The following CALN1 variants were observed in gnomAD, a reference collection of about 807,000 sequenced individuals.
CALN1 encodes the protein calcium-binding protein 8.
CALN1 carries 17 observed loss-of-function variants against 30.6 expected under a neutral mutation model. The observed-to-expected ratio is 0.56, with a 90% CI of 0.38 to 0.83. CALN1 has a LOEUF of 0.83. Ranked by LOEUF, CALN1 falls within the 40% of genes least tolerant of loss-of-function variation. The pLI is 0.00. For synonymous variants in CALN1, 156 were observed against 131.4 expected (o/e 1.19, Z -1.28); for missense variants, 291 against 354.9 (o/e 0.82, Z 1.45).
intron 2 of CALN1, among the ~76,000 whole-genome samples, chr7:72,323,219 G>A (rs370928449): frequency 8.2e-4 from 125 of 152,200 alleles, no homozygotes; most frequent in African/African-American, 3.0e-3. Flanking sequence ...CTGAGGGGTG[G>A]GAAAGGCAGG....
At chr7:71,930,664 G>T (rs1422131118) in intron 5 of CALN1, among the ~76,000 whole-genome samples, 1 of 152,142 alleles carries the variant, frequency 6.6e-6, no homozygotes, top group African/African-American at 2.4e-5. Flanking sequence ...TATCGTTTCA[G>T]ATCTGGAATT....
chr7:71,791,891 G>C (rs1786579615), intron 6 of CALN1, among the ~76,000 whole-genome samples: 1 of 152,124 alleles, frequency 6.6e-6, no homozygotes. Flanking sequence ...GGCGCCTGCA[G>C]TCCCAGCTAC....
intron 5 of CALN1, among the ~76,000 whole-genome samples, chr7:71,939,403 CAAAAAAAA>C (rs56368426): frequency 9.5e-6 from 1 of 105,454 alleles, no homozygotes; most frequent in Non-Finnish European, 1.9e-5. Context: ...ACTAAAAATA[CAAAAAAAA>C]AAAAAAAAAA....
chr7:71,924,824 G>A (rs1015192854), intron 5 of CALN1, among the ~76,000 whole-genome samples: 2 of 152,004 alleles, frequency 1.3e-5, no homozygotes, highest in Non-Finnish European at 2.9e-5. Flanking sequence ...TTTGACATGT[G>A]CTACAAATAC....
chr7:72,379,324 G>A (rs945545786), intron 2 of CALN1, among the ~76,000 whole-genome samples: 1 of 152,152 alleles, frequency 6.6e-6, no homozygotes. Context: ...TGATAATACA[G>A]TAATTTTTAA....
intron 3 of CALN1, among the ~76,000 whole-genome samples, chr7:72,260,402 A>T (rs144268318): frequency 1.6e-3 from 240 of 152,266 alleles, no homozygotes; most frequent in South Asian, 4.3e-3. Context: ...ATAAACACAC[A>T]CAATATTGTT....
chr7:72,309,713 C>T (rs541489240), intron 2 of CALN1, among the ~76,000 whole-genome samples: 46 of 152,244 alleles, frequency 3.0e-4, no homozygotes, highest in Admixed American at 1.8e-3. Flanking sequence ...GTCCCACAGC[C>T]GGCCAAGAAA....
chr7:72,396,258 G>GAAAGAAAGAAAAAGAA (rs148921743), intron 2 of CALN1, among the ~76,000 whole-genome samples: 1 of 109,702 alleles, frequency 9.1e-6, no homozygotes, highest in Non-Finnish European at 1.8e-5. Flanking sequence ...AAAAAAAAAA[G>GAAAGAAAGAAAAAGAA]AAAGAAAAAG....
At chr7:72,484,305 C>T in the CALN1 span, among the ~76,000 whole-genome samples, 59,163 of 151,680 alleles carry the variant, frequency 0.39, 12,255 homozygotes, top group Non-Finnish European at 0.46. Flanking sequence ...TTAGAACTAG[C>T]TTATCTATTT....
At chr7:72,359,024 G>A (rs1329904979) in intron 2 of CALN1, among the ~76,000 whole-genome samples, 3 of 151,290 alleles carry the variant, frequency 2.0e-5, no homozygotes, top group Non-Finnish European at 4.4e-5. Flanking sequence ...CCTCATCACA[G>A]TGCATCCTTT....
intron 5 of CALN1, among the ~76,000 whole-genome samples, chr7:71,935,841 T>C (rs1562916810): frequency 1.3e-5 from 2 of 149,314 alleles, no homozygotes; most frequent in Admixed American, 6.6e-5. Context: ...AATGGTAGTC[T>C]TGAGGTTGCG....
At chr7:72,395,734 A>G (rs1309677187) in intron 2 of CALN1, among the ~76,000 whole-genome samples, 3 of 152,138 alleles carry the variant, frequency 2.0e-5, no homozygotes, top group Non-Finnish European at 4.4e-5. Context: ...TGAAACTCCC[A>G]TTGGATGTCG....
intron 5 of CALN1, among the ~76,000 whole-genome samples, chr7:71,952,502 C>T (rs1796742562): frequency 6.6e-6 from 1 of 152,196 alleles, no homozygotes; most frequent in South Asian, 2.1e-4. Flanking sequence ...TGTCCCTTGG[C>T]CAGGCGGCAA....
chr7:72,401,965 G>C (rs1405698528), intron 2 of CALN1, among the ~76,000 whole-genome samples: 1 of 152,188 alleles, frequency 6.6e-6, no homozygotes, highest in Admixed American at 6.5e-5. Flanking sequence ...GCTGGTAAAA[G>C]TCCAACCATG....
intron 5 of CALN1, among the ~76,000 whole-genome samples, chr7:71,917,526 A>G (rs944178686): frequency 3.3e-5 from 5 of 152,176 alleles, no homozygotes; most frequent in African/African-American, 9.7e-5. Context: ...GAAATACCTG[A>G]GACTGGGTAA....
chr7:72,106,524 TGA>T (rs1807125500), intron 3 of CALN1, among the ~76,000 whole-genome samples: 1 of 113,186 alleles, frequency 8.8e-6, no homozygotes. Context: ...GAAGGGAAAA[TGA>T]GAGAGGAAGA....
At chr7:72,011,882 T>A (rs765314150) in intron 5 of CALN1, among the ~76,000 whole-genome samples, 1 of 152,092 alleles carries the variant, frequency 6.6e-6, no homozygotes, top group Non-Finnish European at 1.5e-5. Context: ...CTCAAACAGT[T>A]CTCAGCCTCT....
chr7:71,948,830 C>T (rs1160670994), intron 5 of CALN1, among the ~76,000 whole-genome samples: 2 of 151,442 alleles, frequency 1.3e-5, no homozygotes, highest in African/African-American at 2.4e-5. Context: ...CTGCTTGAAC[C>T]CAGGAGTTCC....
intron 3 of CALN1, among the ~76,000 whole-genome samples, chr7:72,201,977 G>A (rs1183897793): frequency 2.6e-5 from 4 of 152,240 alleles, no homozygotes; most frequent in Admixed American, 6.5e-5. Flanking sequence ...ATGGAGATGC[G>A]TAAAACCCTT....
Sources: allele counts gnomAD v4.1 joint callset (sites outside exome capture counted in the v4.1 genomes callset), GRCh38; gene constraint gnomAD v4.1.1; transcripts MANE v1.5; gene names NCBI Gene and HGNC (gene_info 2026-07-23, HGNC 2026-07-21).